SUGCT: variants seen among roughly 807,000 people sequenced by gnomAD.
SUGCT encodes succinyl-CoA:glutarate-CoA transferase.
A neutral mutation model predicts 55.0 loss-of-function variants in SUGCT; 41 were observed. The observed-to-expected ratio is 0.74, with a 90% CI of 0.58 to 0.97. SUGCT has a LOEUF of 0.97. Among genes scored for constraint, SUGCT ranks in the 50% least tolerant of loss-of-function variants. The pLI, the probability that SUGCT is intolerant of heterozygous loss-of-function variation, is 0.00. For synonymous variants in SUGCT, 187 were observed against 200.4 expected, an observed-to-expected ratio of 0.93 and a Z score of 0.56; for missense variants, 568 against 547.8, an observed-to-expected ratio of 1.04 and a Z score of -0.37.
At chr7:40,959,829 G>T in the SUGCT span, among the ~76,000 whole-genome samples, 2 of 152,200 alleles carry the variant, frequency 1.3e-5, no homozygotes, top group African/African-American at 2.4e-5. Context: ...ATCTCCTGGT[G>T]TGTGGGTTGC....
At chr7:40,611,578 C>T (rs978444610) in intron 12 of SUGCT, among the ~76,000 whole-genome samples, 9 of 152,304 alleles carry the variant, frequency 5.9e-5, no homozygotes, top group African/African-American at 1.9e-4. Flanking sequence ...TAATAATTCT[C>T]TCACAAGATA....
At chr7:40,447,610 G>A (rs1028025632) in intron 9 of SUGCT, among the ~76,000 whole-genome samples, 5 of 152,116 alleles carry the variant, frequency 3.3e-5, no homozygotes, top group African/African-American at 9.7e-5. Context: ...ACCTTGAAAG[G>A]GGTGTTGGGA....
intron 9 of SUGCT, among the ~76,000 whole-genome samples, chr7:40,371,519 T>G (rs1389508403): frequency 6.6e-6 from 1 of 152,118 alleles, no homozygotes; most frequent in African/African-American, 2.4e-5. Flanking sequence ...CTAAAAGCAT[T>G]TTTAAATAAC....
chr7:40,572,799 T>C (rs1189071226), intron 12 of SUGCT, among the ~76,000 whole-genome samples: 1 of 152,162 alleles, frequency 6.6e-6, no homozygotes, highest in African/African-American at 2.4e-5. Flanking sequence ...GAGGGGTGTG[T>C]CCGATAAAAA....
At chr7:40,762,831 G>A (rs1196960892) in intron 13 of SUGCT, among the ~76,000 whole-genome samples, 4 of 149,640 alleles carry the variant, frequency 2.7e-5, no homozygotes, top group African/African-American at 9.8e-5. Context: ...TTTTTGAGAC[G>A]GAATCTCACT....
rs116750760 is a variant in SUGCT, at chr7:40,153,496, G to A, written c.100+18376G>A. Reference sequence around the variant, plus strand: ...ACTAAAGCGAGTCTCCACTGAAGACGTATCACACATTTTGGACCTATGACT... The same window carrying A: ...ACTAAAGCGAGTCTCCACTGAAGACATATCACACATTTTGGACCTATGACT... On this transcript the variant is annotated intron_variant, in intron 1 of 13. Coordinates refer to ENST00000335693, the MANE Select transcript of SUGCT (RefSeq NM_001193313.2). 693 of 369,634 alleles carry A rather than the reference G, an allele frequency of 1.9e-3. 5 individuals are homozygous for A. Among genetic ancestry groups the A allele is most frequent in the African/African-American group, 0.014 (650 of 46,974 alleles). 22.9% of individuals were successfully genotyped at this position (369,634 alleles called of 1,614,324 possible). A position where few individuals can be genotyped will look rare whatever the true frequency, so the allele number is the denominator to read the frequency against.
At chr7:40,689,251 C>T (rs1459710417) in intron 12 of SUGCT, among the ~76,000 whole-genome samples, 1 of 152,152 alleles carries the variant, frequency 6.6e-6, no homozygotes, top group Non-Finnish European at 1.5e-5. Flanking sequence ...GAGCAGACAT[C>T]TTGTTGTTCT....
chr7:40,341,703 C>A (rs907939552), intron 9 of SUGCT, among the ~76,000 whole-genome samples: 1 of 152,098 alleles, frequency 6.6e-6, no homozygotes, highest in African/African-American at 2.4e-5. Context: ...AAAGAAACTA[C>A]ACTAAACTTG....
intron 9 of SUGCT, among the ~76,000 whole-genome samples, chr7:40,419,001 A>G (rs1055450349): frequency 1.3e-5 from 2 of 152,188 alleles, no homozygotes; most frequent in African/African-American, 4.8e-5. Context: ...AGAGTGCTGT[A>G]CATGTATTTG....
chr7:40,985,437 A>G, the SUGCT span, among the ~76,000 whole-genome samples: 1 of 152,216 alleles, frequency 6.6e-6, no homozygotes, highest in Non-Finnish European at 1.5e-5. Flanking sequence ...TGCCTGGAAA[A>G]TGCACTAAAT....
At chr7:40,265,637 C>T (rs936568851) in intron 7 of SUGCT, among the ~76,000 whole-genome samples, 2 of 151,598 alleles carry the variant, frequency 1.3e-5, no homozygotes, top group African/African-American at 4.8e-5. Context: ...TTTAAGAGAT[C>T]GGGATGTAAA....
intron 7 of SUGCT, among the ~76,000 whole-genome samples, chr7:40,265,922 G>T (rs930567736): frequency 6.6e-6 from 1 of 151,888 alleles, no homozygotes; most frequent in Non-Finnish European, 1.5e-5. Context: ...CTGCACTGCA[G>T]CCTGGACAAC....
intron 12 of SUGCT, among the ~76,000 whole-genome samples, chr7:40,721,327 G>T (rs1416197223): frequency 6.6e-6 from 1 of 152,144 alleles, no homozygotes; most frequent in Non-Finnish European, 1.5e-5. Flanking sequence ...AGTCATTCAA[G>T]TTGCATTTTT....
chr7:40,865,815 C>A, the SUGCT span, among the ~76,000 whole-genome samples: 2 of 152,172 alleles, frequency 1.3e-5, no homozygotes, highest in African/African-American at 4.8e-5. Context: ...CCATTTTAAT[C>A]CAATGGCCTC....
the SUGCT span, among the ~76,000 whole-genome samples, chr7:40,895,792 C>A: frequency 6.6e-6 from 1 of 152,166 alleles, no homozygotes; most frequent in African/African-American, 2.4e-5. Flanking sequence ...ATCACACAAT[C>A]TGATTTCAAG....
intron 12 of SUGCT, among the ~76,000 whole-genome samples, chr7:40,514,600 C>T (rs377129967): frequency 2.7e-5 from 4 of 150,890 alleles, no homozygotes; most frequent in African/African-American, 9.7e-5. Flanking sequence ...GTCTTAGCTA[C>T]TTTGGAGGCT....
At chr7:40,358,282 A>G (rs1337727833) in intron 9 of SUGCT, among the ~76,000 whole-genome samples, 1 of 152,198 alleles carries the variant, frequency 6.6e-6, no homozygotes, top group East Asian at 1.9e-4. Context: ...GGGAATCATT[A>G]TGGCCAGGTT....
intron 8 of SUGCT, among the ~76,000 whole-genome samples, chr7:40,294,168 G>GCCTA (rs1267832078): frequency 6.6e-6 from 1 of 151,902 alleles, no homozygotes; most frequent in Non-Finnish European, 1.5e-5. Flanking sequence ...GGCTGGTCTT[G>GCCTA]CCTACTCCTG....
At chr7:40,865,029 C>G (rs1202865357), downstream of SUGCT, among the ~76,000 whole-genome samples, 1 of 152,108 alleles carries the variant, frequency 6.6e-6, no homozygotes, top group Non-Finnish European at 1.5e-5. Context: ...CTCTTTCTCT[C>G]TTTGTCCTGA....
Sources: allele counts gnomAD v4.1 joint callset (sites outside exome capture counted in the v4.1 genomes callset), GRCh38; gene constraint gnomAD v4.1.1; transcripts MANE v1.5; gene names NCBI Gene and HGNC (gene_info 2026-07-23, HGNC 2026-07-21).